Variants in C8B observed in about 807,000 individuals in gnomAD.
C8B encodes the protein complement component C8 beta chain.
A neutral mutation model predicts 64.6 loss-of-function variants in C8B; 67 were observed. That is an observed-to-expected ratio of 1.04 (90% CI 0.85 to 1.27). The LOEUF is 1.27. C8B is among the 50% of genes most tolerant of loss of function. The pLI is 0.00. For synonymous variants in C8B, 284 were observed against 257.7 expected, an observed-to-expected ratio of 1.10 and a Z score of -0.98; for missense variants, 790 against 725.2, an observed-to-expected ratio of 1.09 and a Z score of -1.03.
At chr1:56,959,602 A>C (rs1363492908) in intron 2 of C8B, 1 of 1,535,548 alleles carries the variant, frequency 6.5e-7, no homozygotes, top group East Asian at 2.4e-5. Context: ...TGTGCTGGAA[A>C]TGTAGGCTAG....
intron 11 of C8B, among the ~76,000 whole-genome samples, chr1:56,930,615 G>T (rs1557724397): frequency 6.6e-6 from 1 of 152,148 alleles, no homozygotes; most frequent in Non-Finnish European, 1.5e-5. Flanking sequence ...ATCAAAGGCT[G>T]TGGGGGCAGA....
At position 56,933,429 on chromosome 1, in the gene C8B, C is replaced by A. The variant is rs140570606; in HGVS notation, c.1458G>T (p.Arg486Ser). Residue 486 changes from arginine (R) to serine (S), a missense_variant, in exon 10 of 12, where the codon AGG becomes AGT. Physicochemically the swap from Arg to Ser is moderately radical, Grantham distance 110. Coordinates refer to ENST00000371237, the MANE Select transcript of C8B (RefSeq NM_000066.4). ...CCTCCAGTGCCTGCTTCATGTTCTG[C>A]CTCACTGTGCTGGAATAGGCAAAAT... ...ATDFAYSSTV[R>S]QNMKQALEEF... 2 of 1,613,706 alleles carry A rather than the reference C, an allele frequency of 1.2e-6. No homozygotes were observed. The highest frequency in any genetic ancestry group is 1.1e-5 in the South Asian group (1 of 91,078).
chr1:56,964,592 ACT>A (rs1341764012), intron 1 of C8B, among the ~76,000 whole-genome samples: 2 of 151,954 alleles, frequency 1.3e-5, no homozygotes, highest in Non-Finnish European at 2.9e-5. Flanking sequence ...CAGCCCTCAC[ACT>A]CTCTGTTCTA....
intron 1 of C8B, among the ~76,000 whole-genome samples, chr1:56,963,334 G>A (rs1645204756): frequency 6.6e-6 from 1 of 152,186 alleles, no homozygotes; most frequent in African/African-American, 2.4e-5. Context: ...CGGTAGAAAT[G>A]CCCTGACACA....
chr1:56,965,548 A>C (rs1645243321), intron 1 of C8B, among the ~76,000 whole-genome samples: 1 of 152,138 alleles, frequency 6.6e-6, no homozygotes, highest in Non-Finnish European at 1.5e-5. Flanking sequence ...GTATGTAACA[A>C]ACTTTCTTTT....
At chr1:56,958,355 G>A (rs1024593028) in intron 2 of C8B, among the ~76,000 whole-genome samples, 2 of 152,100 alleles carry the variant, frequency 1.3e-5, no homozygotes, top group Admixed American at 6.5e-5. Flanking sequence ...TACCTTTATG[G>A]CATCTATACT....
chr1:56,939,815 T>C (rs1186460693), intron 9 of C8B, among the ~76,000 whole-genome samples: 2 of 152,228 alleles, frequency 1.3e-5, no homozygotes, highest in African/African-American at 4.8e-5. Context: ...CAGCCAAAGA[T>C]GGATACAACT....
At chr1:56,963,872 C>A in intron 1 of C8B, 1 of 985,432 alleles carries the variant, frequency 1.0e-6, no homozygotes, top group African/African-American at 1.7e-5. Context: ...ATTTCATCAT[C>A]TGACTTGATT....
intron 3 of C8B, among the ~76,000 whole-genome samples, chr1:56,955,427 A>G (rs1379440156): frequency 2.6e-5 from 4 of 152,128 alleles, no homozygotes; most frequent in African/African-American, 4.8e-5. Flanking sequence ...ATGAAAAATT[A>G]TTTGCATCCC....
At position 56,940,830 on chromosome 1, in the gene C8B, G is replaced by A. The variant is rs368926944; in HGVS notation, c.1398+19C>T. The A allele has an allele frequency of 1.9e-5, 31 of 1,613,932 alleles. No homozygotes were observed. The African/African-American group carries it at 3.5e-4, about 18-fold the overall frequency. ...ATTTTCTGGGTGGAGGAAAGGATGG[G>A]TAGAGCAGCGTTGTGTACCTTAACT... On this transcript the variant is annotated intron_variant, in intron 9 of 11. Coordinates refer to ENST00000371237, the MANE Select transcript of C8B (RefSeq NM_000066.4).
At chr1:56,949,418 G>T in intron 6 of C8B, 137 bp downstream of exon 6, 1 of 814,130 alleles carries the variant, frequency 1.2e-6, no homozygotes, top group South Asian at 1.6e-5. Context: ...CTTGATCTTG[G>T]ACTTCCCAGC....
intron 9 of C8B, 27 bp from the exon 10 acceptor site, chr1:56,933,515 CAA>C: frequency 6.2e-7 from 1 of 1,603,730 alleles, no homozygotes; most frequent in Non-Finnish European, 8.5e-7. Context: ...GCATTTATTT[CAA>C]GAGAAAAACA....
In C8B at chr1:56,943,767, GCA is replaced by G; in HGVS notation, c.1161_1162del (p.Ala388HisfsTer2). On this transcript the variant is annotated frameshift_variant, in exon 8 of 12. Transcript: ENST00000371237. LOFTEE classifies it high-confidence loss of function. ...CAGACTGACGTAGACCTCTTCAATG[GCA>G]CCACCAATTTTAAAATCATTTTTGG... 1.9e-6 allele frequency: 3 copies of G among 1,613,964 alleles called. No homozygotes were observed. Among genetic ancestry groups the G allele is most frequent in the Non-Finnish European group, 2.5e-6 (3 of 1,179,918 alleles).
At chr1:56,938,466 G>A (rs1644804202) in intron 9 of C8B, among the ~76,000 whole-genome samples, 1 of 152,172 alleles carries the variant, frequency 6.6e-6, no homozygotes, top group Non-Finnish European at 1.5e-5. Context: ...GATAATCACA[G>A]AAAATGTATT....
At chr1:56,960,263 T>C (rs1373274775) in intron 1 of C8B, 87 bp from the exon 2 acceptor site, 5 of 1,265,246 alleles carry the variant, frequency 4.0e-6, no homozygotes, top group South Asian at 2.4e-5. Context: ...TCAATAAATA[T>C]ATATTTGCTC....
intron 3 of C8B, among the ~76,000 whole-genome samples, chr1:56,956,443 T>A (rs1318408334): frequency 6.6e-6 from 1 of 152,180 alleles, no homozygotes; most frequent in Admixed American, 6.5e-5. Flanking sequence ...GCACACATAC[T>A]TTTTGTGTCT....
chr1:56,933,508 T>A lies in C8B; in HGVS notation c.1399-20A>T, dbSNP rs757472806. ...CTCCACCTGGAAAGGGAAAAGGGCA[T>A]TTATTTCAAGAGAAAAACATTTATC... On this transcript the variant is annotated intron_variant, in intron 9 of 11. Coordinates refer to ENST00000371237, the MANE Select transcript of C8B (RefSeq NM_000066.4). 6.2e-7 allele frequency: 1 copy of A among 1,608,814 alleles called. No individual in the cohort carries two copies. Among genetic ancestry groups the A allele is most frequent in the Non-Finnish European group, 8.5e-7 (1 of 1,175,280 alleles).
chr1:56,962,315 G>A (rs890616360), intron 1 of C8B, among the ~76,000 whole-genome samples: 10 of 152,208 alleles, frequency 6.6e-5, no homozygotes, highest in Non-Finnish European at 1.2e-4. Context: ...TAGTATGTTT[G>A]TAAATTACAT....
rs1644938032 is a variant in C8B, at chr1:56,946,078, C to A, written c.865-17G>T. 6.2e-7 allele frequency: 1 copy of A among 1,613,728 alleles called. No individual in the cohort carries two copies. Among genetic ancestry groups the A allele is most frequent in the Non-Finnish European group, 8.5e-7 (1 of 1,179,974 alleles). The stretch of plus-strand genomic sequence containing the variant: ...TACGCTTTTCTAAATGAAATACCAA[C>A]ATGGGAAAACCAGACCTTTAAAGTT... On this transcript the variant is annotated splice_polypyrimidine_tract_variant and intron_variant, in intron 6 of 11. Coordinates refer to ENST00000371237, the MANE Select transcript of C8B (RefSeq NM_000066.4).
Sources: allele counts gnomAD v4.1 joint callset (sites outside exome capture counted in the v4.1 genomes callset), GRCh38; gene constraint gnomAD v4.1.1; transcripts MANE v1.5; gene names NCBI Gene and HGNC (gene_info 2026-07-23, HGNC 2026-07-21).